The following DCAF6 variants were observed in gnomAD, a reference collection of about 807,000 sequenced individuals.
The protein encoded by DCAF6 is DDB1 and CUL4 associated factor 6, also known as DDB1- and CUL4-associated factor 6.
DCAF6 carries 54 observed loss-of-function variants against 125.1 expected under a neutral mutation model. The ratio of observed to expected loss-of-function variants is 0.43; its 90% CI spans 0.35 to 0.54. The LOEUF is 0.54. DCAF6 is among the 20% of genes least tolerant of loss of function. DCAF6 has a pLI of 0.01. For missense variants in DCAF6, 934 were observed against 1,161.7 expected, an observed-to-expected ratio of 0.80 and a Z score of 2.85; for synonymous variants, 371 against 390.4, an observed-to-expected ratio of 0.95 and a Z score of 0.58.
the DCAF6 span, among the ~76,000 whole-genome samples, chr1:167,911,478 T>C: frequency 1.3e-5 from 2 of 152,256 alleles, no homozygotes; most frequent in East Asian, 1.9e-4. Flanking sequence ...ATTTTTACTT[T>C]TCTCAGCATT....
In DCAF6 at chr1:167,991,273, G is replaced by A. The variant is rs1680787106; in HGVS notation, c.622G>A (p.Ala208Thr). Residue 208 changes from alanine to threonine, a missense_variant, in exon 6 of 22, where the codon GCT (alanine) becomes ACT (threonine). Ala to Thr is a moderately conservative substitution (Grantham distance 58). Coordinates refer to ENST00000367840, the MANE Select transcript of DCAF6 (RefSeq NM_001198956.2). ...AICPPIPYYLAVGCSDSSVRI... is the reference protein window; with the variant it reads ...AICPPIPYYLTVGCSDSSVRI... ...TTGCCCACCAATACCATATTACCTT[G>A]CTGTTGGTTGTTCTGACAGCTCAGT... The A allele has an allele frequency of 6.2e-7, 1 of 1,613,448 alleles. No individual in the cohort carries two copies. The highest frequency in any genetic ancestry group is 8.5e-7 in the Non-Finnish European group (1 of 1,179,902).
At chr1:167,906,755 C>A in the DCAF6 span, among the ~76,000 whole-genome samples, 1 of 152,012 alleles carries the variant, frequency 6.6e-6, no homozygotes, top group Non-Finnish European at 1.5e-5. Flanking sequence ...TGTCACTGCA[C>A]TCTATCCTAG....
At chr1:167,953,615 C>T (rs202272) in intron 2 of DCAF6, among the ~76,000 whole-genome samples, 28,687 of 151,752 alleles carry the variant, frequency 0.19, 4,154 homozygotes, top group African/African-American at 0.41. Flanking sequence ...TATTATTATT[C>T]TTTGATATGG....
At chr1:167,878,503 A>G in the DCAF6 span, 1 of 1,614,192 alleles carries the variant, frequency 6.2e-7, no homozygotes, top group Non-Finnish European at 8.5e-7. Flanking sequence ...AACACCTTTC[A>G]TAACTTTCTT....
At chr1:167,988,714 C>G (rs1171999347) in intron 5 of DCAF6, among the ~76,000 whole-genome samples, 1 of 151,510 alleles carries the variant, frequency 6.6e-6, no homozygotes, top group Non-Finnish European at 1.5e-5. Context: ...CAGTTACCAA[C>G]TGGTTAACAT....
intron 1 of DCAF6, among the ~76,000 whole-genome samples, chr1:167,945,955 GT>G (rs1238443018): frequency 0.041 from 5,027 of 123,886 alleles, 66 homozygotes; most frequent in African/African-American, 0.077. Flanking sequence ...AAATCTAAGG[GT>G]TTTTTTTTTT....
At chr1:167,891,206 C>T in the DCAF6 span, among the ~76,000 whole-genome samples, 2 of 151,936 alleles carry the variant, frequency 1.3e-5, no homozygotes, top group Non-Finnish European at 2.9e-5. Flanking sequence ...GTGATCCACC[C>T]ACCTCGGCCT....
At chr1:168,034,896 A>G (rs1023533224) in intron 12 of DCAF6, among the ~76,000 whole-genome samples, 21 of 152,182 alleles carry the variant, frequency 1.4e-4, no homozygotes, top group Admixed American at 6.5e-5. Flanking sequence ...AAATAGTTAC[A>G]ATTTTTTTTC....
At chr1:167,954,185 T>C (rs537588935) in intron 2 of DCAF6, among the ~76,000 whole-genome samples, 4 of 152,088 alleles carry the variant, frequency 2.6e-5, no homozygotes, top group Non-Finnish European at 5.9e-5. Flanking sequence ...TTTGAATTTC[T>C]AGTAGAGACG....
intron 2 of DCAF6, among the ~76,000 whole-genome samples, chr1:167,956,802 T>C (rs1439618133): frequency 1.3e-5 from 2 of 152,164 alleles, no homozygotes; most frequent in Non-Finnish European, 2.9e-5. Flanking sequence ...ATTTATTTTG[T>C]AATTTCTTCT....
At chr1:167,909,373 T>C in the DCAF6 span, among the ~76,000 whole-genome samples, 2 of 152,200 alleles carry the variant, frequency 1.3e-5, no homozygotes, top group Non-Finnish European at 2.9e-5. Flanking sequence ...AAAAGATGTA[T>C]GCATTTCTCC....
At chr1:167,929,317 C>T in the DCAF6 span, among the ~76,000 whole-genome samples, 1 of 152,016 alleles carries the variant, frequency 6.6e-6, no homozygotes, top group African/African-American at 2.4e-5. Context: ...CGAGATTGCA[C>T]CATTGCACTC....
At chr1:167,991,490 C>A in intron 6 of DCAF6, 151 bp downstream of exon 6, 1 of 823,838 alleles carries the variant, frequency 1.2e-6, no homozygotes, top group Non-Finnish European at 1.7e-6. Flanking sequence ...AACATTTCAC[C>A]AAGTGTTTAT....
rs1686887164 is a variant in DCAF6, at chr1:168,030,191, T to A, written c.1609+7144T>A. Among the ~76,000 whole-genome samples the A allele has an allele frequency of 2.0e-5, 3 of 152,102 alleles. No homozygotes were observed. The South Asian group carries it at 6.2e-4, about 32-fold the overall frequency. ...AAATAGCAGGGTTCAGTGTGGAACATAGGAGAGTGGGCCTTCATTCCCTCC... is the reference window on the plus strand; with the variant it reads ...AAATAGCAGGGTTCAGTGTGGAACAAAGGAGAGTGGGCCTTCATTCCCTCC... On this transcript the variant is annotated intron_variant, in intron 12 of 21. Coordinates refer to ENST00000367840, the MANE Select transcript of DCAF6 (RefSeq NM_001198956.2).
At chr1:168,000,875 T>C (rs1682514807) in intron 7 of DCAF6, among the ~76,000 whole-genome samples, 1 of 152,074 alleles carries the variant, frequency 6.6e-6, no homozygotes, top group Admixed American at 6.6e-5. Flanking sequence ...TGATGGTTTG[T>C]TTCTGGGATG....
intron 21 of DCAF6, among the ~76,000 whole-genome samples, chr1:168,074,604 A>T (rs28691278): frequency 6.6e-6 from 1 of 152,174 alleles, no homozygotes; most frequent in Non-Finnish European, 1.5e-5. Context: ...AACGACTATT[A>T]CTGTAATTAG....
intron 14 of DCAF6, 108 bp downstream of exon 14, chr1:168,043,248 C>CT (rs1688775298): frequency 1.2e-6 from 1 of 847,134 alleles, no homozygotes; most frequent in Non-Finnish European, 1.9e-6. Context: ...TAATAAATTA[C>CT]TTTTGCTTCT....
chr1:167,899,649 A>AG, the DCAF6 span: 2 of 1,610,704 alleles, frequency 1.2e-6, no homozygotes, highest in Non-Finnish European at 1.7e-6. Context: ...GGCAAGGAAT[A>AG]GGTTTGCACA....
At chr1:167,933,145 G>A (rs550325416), upstream of DCAF6, among the ~76,000 whole-genome samples, 1 of 150,932 alleles carries the variant, frequency 6.6e-6, no homozygotes, top group East Asian at 1.9e-4. Flanking sequence ...ACTAAAATAT[G>A]TATCTATACA....
Sources: allele counts gnomAD v4.1 joint callset (sites outside exome capture counted in the v4.1 genomes callset), GRCh38; gene constraint gnomAD v4.1.1; transcripts MANE v1.5; gene names NCBI Gene and HGNC (gene_info 2026-07-23, HGNC 2026-07-21).